Variants in SSU72 observed in about 807,000 individuals in gnomAD.
SSU72 encodes the protein RNA polymerase II subunit A C-terminal domain phosphatase SSU72.
Under a neutral mutation model 22.7 loss-of-function variants are expected in SSU72, and 12 were observed. The observed-to-expected ratio is 0.53, with a 90% CI of 0.34 to 0.86. The LOEUF (loss-of-function observed/expected upper bound fraction) is 0.86, where lower values mean the gene tolerates loss of function less well. SSU72 is among the 40% of genes least tolerant of loss of function. The pLI, the probability that SSU72 is intolerant of heterozygous loss-of-function variation, is 0.02. For missense variants in SSU72, 151 were observed against 249.8 expected, an observed-to-expected ratio of 0.60 and a Z score of 2.67; for synonymous variants, 116 against 98.3, an observed-to-expected ratio of 1.18 and a Z score of -1.06.
chr1:1,564,229 G>T (rs1226076698), intron 2 of SSU72: 1 of 344,606 alleles, frequency 2.9e-6, no homozygotes, highest in East Asian at 5.4e-5. Flanking sequence ...GAGTCTTCGC[G>T]GCAGACCTAG....
At chr1:1,566,504 G>A (rs900208612) in intron 1 of SSU72, among the ~76,000 whole-genome samples, 5 of 152,106 alleles carry the variant, frequency 3.3e-5, no homozygotes, top group Admixed American at 6.5e-5. Flanking sequence ...CTGCTGCTTC[G>A]CTCTTGAGCA....
At chr1:1,550,021 T>C (rs1411704307) in intron 2 of SSU72, among the ~76,000 whole-genome samples, 1 of 128,350 alleles carries the variant, frequency 7.8e-6, no homozygotes, top group Non-Finnish European at 1.7e-5. Context: ...CTACTAAAAA[T>C]ACAAAAATTA....
chr1:1,564,814 A>G lies in SSU72; in HGVS notation c.183T>C (p.Tyr61=), dbSNP rs748866739. 5 of 1,614,204 alleles carry G rather than the reference A, an allele frequency of 3.1e-6. No individual in the cohort carries two copies. Among genetic ancestry groups the G allele is most frequent in the Non-Finnish European group, 4.2e-6 (5 of 1,180,038 alleles). Residue 61 remains tyrosine (Y), a synonymous_variant, in exon 2 of 5, where the codon TAT becomes TAC. Transcript: ENST00000291386. Reference sequence around the variant, plus strand: ...TAAGAAGATCATTGTACATCTGGTCATATGTGGTTTTGAAATCATAAACAT... The same window carrying G: ...TAAGAAGATCATTGTACATCTGGTCGTATGTGGTTTTGAAATCATAAACAT... ...KPNVYDFKTT[Y]DQMYNDLLRK...
intron 2 of SSU72, chr1:1,563,918 A>G (rs9439468): frequency 0.52 from 78,570 of 152,086 alleles, 24,598 homozygotes; most frequent in East Asian, 0.87. Flanking sequence ...GCAAGGCCAG[A>G]GATGCTGGTC....
intron 1 of SSU72, among the ~76,000 whole-genome samples, chr1:1,569,526 T>C (rs1642703500): frequency 3.3e-5 from 5 of 152,164 alleles, no homozygotes; most frequent in Admixed American, 3.3e-4. Context: ...AGACTTGGTT[T>C]GTCGTCCAGC....
Position 1,557,061 on chromosome 1 carries a change from G to A in SSU72, c.224+7712C>T, listed in dbSNP as rs543754890. Among the ~76,000 whole-genome samples, 40 of 152,312 alleles carry A rather than the reference G, an allele frequency of 2.6e-4. No homozygotes were observed. In the South Asian group the frequency reaches 6.8e-3, roughly 26 times the overall value. On this transcript the variant is annotated intron_variant, in intron 2 of 4. Coordinates refer to ENST00000291386, the MANE Select transcript of SSU72 (RefSeq NM_014188.3). Reference sequence around the variant, plus strand: ...GATCAGAGTTTCTCTGGGAATCGGCGTCTGGCTTAGGAACACATTCATTTG... The same window carrying A: ...GATCAGAGTTTCTCTGGGAATCGGCATCTGGCTTAGGAACACATTCATTTG...
At chr1:1,547,060 C>T (rs750867585) in intron 2 of SSU72, among the ~76,000 whole-genome samples, 8 of 151,970 alleles carry the variant, frequency 5.3e-5, no homozygotes, top group Non-Finnish European at 1.0e-4. Flanking sequence ...GAGCTCAAGA[C>T]GGCCTGACCT....
At chr1:1,549,389 C>T (rs1642428922) in intron 2 of SSU72, among the ~76,000 whole-genome samples, 1 of 151,816 alleles carries the variant, frequency 6.6e-6, no homozygotes, top group Non-Finnish European at 1.5e-5. Context: ...GGCGTGGTGG[C>T]AGGCGCCTGT....
At chr1:1,550,340 C>T (rs778356872) in intron 2 of SSU72, among the ~76,000 whole-genome samples, 6 of 152,208 alleles carry the variant, frequency 3.9e-5, no homozygotes, top group African/African-American at 1.4e-4. Flanking sequence ...TTCTTGGCAA[C>T]GTGTTATTCT....
At chr1:1,549,675 C>T (rs1267271483) in intron 2 of SSU72, among the ~76,000 whole-genome samples, 2 of 151,066 alleles carry the variant, frequency 1.3e-5, no homozygotes, top group African/African-American at 2.4e-5. Flanking sequence ...CCTGACTCTA[C>T]TAAAGTACAA....
intron 1 of SSU72, among the ~76,000 whole-genome samples, chr1:1,568,704 C>G (rs777078374): frequency 6.6e-6 from 1 of 152,014 alleles, no homozygotes; most frequent in Non-Finnish European, 1.5e-5. Flanking sequence ...GAGGACGGAT[C>G]ACTTGAGGTC....
chr1:1,569,466 G>A (rs929476105), intron 1 of SSU72, among the ~76,000 whole-genome samples: 1 of 152,122 alleles, frequency 6.6e-6, no homozygotes, highest in Non-Finnish European at 1.5e-5. Context: ...TAGAGTCCAC[G>A]CTGATTTTCA....
chr1:1,549,442 A>G (rs1282909318), intron 2 of SSU72, among the ~76,000 whole-genome samples: 2 of 151,496 alleles, frequency 1.3e-5, no homozygotes, highest in African/African-American at 4.9e-5. Context: ...AATGGCGTGA[A>G]CCCGGAGGCG....
At chr1:1,550,054 T>C (rs1446824069) in intron 2 of SSU72, among the ~76,000 whole-genome samples, 1 of 103,760 alleles carries the variant, frequency 9.6e-6, no homozygotes, top group Non-Finnish European at 1.6e-5. Context: ...GGTGCACACC[T>C]GTGATTCCAG....
intron 1 of SSU72, among the ~76,000 whole-genome samples, chr1:1,569,880 AATTTT>A (rs1642707838): frequency 6.6e-6 from 1 of 152,104 alleles, no homozygotes; most frequent in Admixed American, 6.5e-5. Flanking sequence ...TCCTTCTGAC[AATTTT>A]ATTTCAGCTT....
rs192450066 is a variant in SSU72 at position 1,566,182 on chromosome 1, T to C, written c.81-1266A>G. ...TGGGAGGCTGAAGCATGAGAATCGC[T>C]TGAACCCAGCAGGCACAAGTTGCAG... On this transcript the variant is annotated intron_variant, in intron 1 of 4. Transcript: ENST00000291386. Among the ~76,000 whole-genome samples the C allele has an allele frequency of 2.1e-3, 317 of 152,118 alleles. 3 individuals are homozygous for C. Among genetic ancestry groups the C allele is most frequent in the African/African-American group, 7.5e-3 (310 of 41,468 alleles).
chr1:1,544,687 T>C, intron 3 of SSU72, 176 bp downstream of exon 3: 2 of 762,086 alleles, frequency 2.6e-6, no homozygotes, highest in South Asian at 1.5e-5. Context: ...AGCCAGCACA[T>C]GGGTGGTTCA....
chr1:1,545,085 C>T (rs902621638), intron 2 of SSU72, 83 bp from the exon 3 acceptor site: 1 of 1,514,774 alleles, frequency 6.6e-7, no homozygotes, highest in Non-Finnish European at 9.0e-7. Context: ...ACACCCAGCC[C>T]CTTCCCTGCC....
At chr1:1,569,165 C>T (rs1642698388) in intron 1 of SSU72, among the ~76,000 whole-genome samples, 1 of 151,258 alleles carries the variant, frequency 6.6e-6, no homozygotes, top group Non-Finnish European at 1.5e-5. Flanking sequence ...CAGAATGAGA[C>T]TCCGTCTCAA....
Sources: allele counts gnomAD v4.1 joint callset (sites outside exome capture counted in the v4.1 genomes callset), GRCh38; gene constraint gnomAD v4.1.1; transcripts MANE v1.5; gene names NCBI Gene and HGNC (gene_info 2026-07-23, HGNC 2026-07-21).